RBFOX1: variants seen among roughly 807,000 people sequenced by gnomAD.
The protein encoded by RBFOX1 is RNA binding protein fox-1 homolog 1.
In RBFOX1, 8 loss-of-function variants were observed where a neutral mutation model predicts 57.7. That is an observed-to-expected ratio of 0.14 (90% confidence interval 0.08 to 0.25). The LOEUF is 0.25. Among genes scored for constraint, RBFOX1 ranks in the 10% least tolerant of loss-of-function variants. RBFOX1 has a pLI of 1.00. For synonymous variants in RBFOX1, 326 were observed against 222.4 expected (o/e 1.47, Z -4.15); for missense variants, 611 against 548.5 (o/e 1.11, Z -1.14).
chr16:6,166,470 C>A (rs991197362), intron 1 of RBFOX1, among the ~76,000 whole-genome samples: 1 of 152,120 alleles, frequency 6.6e-6, no homozygotes, highest in African/African-American at 2.4e-5. Flanking sequence ...CTCTCTATTT[C>A]TCTCTCCTTC....
rs866598949 is a variant in RBFOX1 at position 5,856,179 on chromosome 16, C to A, written c.319-11124C>A. 3.6e-3 allele frequency among the ~76,000 whole-genome samples: 195 copies of A among 54,378 alleles called. 3 individuals carry two copies. Among genetic ancestry groups the A allele is most frequent in the Middle Eastern group, 9.4e-3 (1 of 106 alleles). 35.7% of individuals were successfully genotyped at this position (54,378 alleles called of 152,430 possible). On this transcript the variant is annotated intron_variant, in intron 3 of 19. Coordinates refer to the RBFOX1 transcript ENST00000641259. ...TCTCTCTCTCTCTCTCTCTCTCTCTCTCTCTCTCTATATATATATATATAT... is the reference window on the plus strand; with the variant it reads ...TCTCTCTCTCTCTCTCTCTCTCTCTATCTCTCTCTATATATATATATATAT...
At chr16:6,277,953 G>A (rs886567363) in intron 1 of RBFOX1, among the ~76,000 whole-genome samples, 20 of 152,152 alleles carry the variant, frequency 1.3e-4, no homozygotes, top group African/African-American at 4.8e-4. Flanking sequence ...TTGGCCCGGA[G>A]TTTAATTCCA....
At chr16:5,367,009 G>A (rs2065735617) in intron 1 of RBFOX1, among the ~76,000 whole-genome samples, 1 of 152,190 alleles carries the variant, frequency 6.6e-6, no homozygotes. Context: ...TAATAAAGTA[G>A]CACAGTTTCT....
intron 2 of RBFOX1, among the ~76,000 whole-genome samples, chr16:6,622,048 G>C (rs551567263): frequency 6.6e-6 from 1 of 152,226 alleles, no homozygotes; most frequent in African/African-American, 2.4e-5. Context: ...GTGATGTGTT[G>C]GTTTGAGTTG....
intron 1 of RBFOX1, among the ~76,000 whole-genome samples, chr16:6,036,397 T>G (rs901125103): frequency 2.5e-4 from 26 of 103,232 alleles, no homozygotes; most frequent in African/African-American, 6.0e-4. Context: ...ATGTTTTGTG[T>G]TTTTTTTTTG....
At chr16:6,994,877 A>T (rs780720161) in intron 3 of RBFOX1, among the ~76,000 whole-genome samples, 19 of 152,186 alleles carry the variant, frequency 1.2e-4, no homozygotes, top group South Asian at 2.1e-4. Context: ...TCAAAACAAA[A>T]TTCCAAATTA....
intron 4 of RBFOX1, among the ~76,000 whole-genome samples, chr16:7,412,384 C>T (rs947085577): frequency 2.1e-5 from 3 of 140,390 alleles, no homozygotes; most frequent in Middle Eastern, 4.0e-3. Context: ...CAGTGCACTC[C>T]AGGCTGGGCA....
intron 4 of RBFOX1, among the ~76,000 whole-genome samples, chr16:7,332,078 A>G (rs1393043373): frequency 6.6e-6 from 1 of 152,224 alleles, no homozygotes; most frequent in African/African-American, 2.4e-5. Flanking sequence ...AAAACACAAA[A>G]TAAAAGGCAT....
chr16:5,319,677 A>G (rs2064347038), intron 1 of RBFOX1, among the ~76,000 whole-genome samples: 1 of 152,218 alleles, frequency 6.6e-6, no homozygotes, highest in Non-Finnish European at 1.5e-5. Flanking sequence ...GACTTATTTT[A>G]TTAGATAGGG....
intron 4 of RBFOX1, among the ~76,000 whole-genome samples, chr16:7,061,628 T>C (rs534865174): frequency 2.0e-5 from 3 of 152,340 alleles, no homozygotes; most frequent in Non-Finnish European, 4.4e-5. Context: ...CCCTTTCCCT[T>C]GCTTTAATTT....
At chr16:7,294,427 G>T (rs1464597681) in intron 4 of RBFOX1, among the ~76,000 whole-genome samples, 2 of 151,642 alleles carry the variant, frequency 1.3e-5, no homozygotes, top group Non-Finnish European at 2.9e-5. Context: ...GTGTGTCTCG[G>T]GTCTCTTTTG....
chr16:7,020,468 C>G (rs1488867352), intron 3 of RBFOX1, among the ~76,000 whole-genome samples: 2 of 152,132 alleles, frequency 1.3e-5, no homozygotes, highest in South Asian at 2.1e-4. Context: ...ATCCACCTGC[C>G]TCAACCTCCC....
intron 2 of RBFOX1, among the ~76,000 whole-genome samples, chr16:5,576,042 A>G (rs548870957): frequency 6.6e-6 from 1 of 152,032 alleles, no homozygotes; most frequent in Non-Finnish European, 1.5e-5. Flanking sequence ...GCTGGAGTAC[A>G]GTGGTGCAAT....
intron 4 of RBFOX1, among the ~76,000 whole-genome samples, chr16:7,085,252 A>T (rs983590906): frequency 1.3e-5 from 2 of 152,080 alleles, no homozygotes; most frequent in Admixed American, 1.3e-4. Flanking sequence ...CAAACTAGAG[A>T]ACTGGAACAT....
intron 1 of RBFOX1, among the ~76,000 whole-genome samples, chr16:6,221,861 T>C (rs1263262364): frequency 5.3e-5 from 8 of 152,184 alleles, no homozygotes; most frequent in Admixed American, 2.0e-4. Flanking sequence ...GTTTTCTCCA[T>C]TTTGTACCAT....
intron 1 of RBFOX1, among the ~76,000 whole-genome samples, chr16:5,255,325 C>CATCT (rs2062558430): frequency 1.8e-5 from 2 of 110,656 alleles, no homozygotes; most frequent in South Asian, 5.8e-4. Context: ...CACTTCCTTC[C>CATCT]ATCCATCCAT....
At chr16:7,093,218 G>A (rs995706105) in intron 4 of RBFOX1, among the ~76,000 whole-genome samples, 1 of 152,146 alleles carries the variant, frequency 6.6e-6, no homozygotes, top group African/African-American at 2.4e-5. Flanking sequence ...TCAGTTAGGG[G>A]GCTGAGAAAA....
intron 2 of RBFOX1, among the ~76,000 whole-genome samples, chr16:5,551,633 C>T (rs192885271): frequency 6.6e-6 from 1 of 152,252 alleles, no homozygotes; most frequent in African/African-American, 2.4e-5. Context: ...GGGTTCAAAT[C>T]TCAGCTCTTT....
At chr16:5,431,303 C>G (rs531564933) in intron 1 of RBFOX1, among the ~76,000 whole-genome samples, 24 of 152,274 alleles carry the variant, frequency 1.6e-4, no homozygotes, top group African/African-American at 5.8e-4. Flanking sequence ...TCTATTTCAA[C>G]CGTGCAGAAA....
Sources: allele counts gnomAD v4.1 joint callset (sites outside exome capture counted in the v4.1 genomes callset), GRCh38; gene constraint gnomAD v4.1.1; transcripts MANE v1.5; gene names NCBI Gene and HGNC (gene_info 2026-07-23, HGNC 2026-07-21).